Variants in TCF4 observed in about 807,000 individuals in gnomAD.
TCF4 encodes SL3-3 enhancer factor 2.
TCF4 carries 3 observed loss-of-function variants against 82.1 expected under a neutral mutation model. That is an observed-to-expected ratio of 0.04 (90% CI 0.02 to 0.09). The LOEUF (loss-of-function observed/expected upper bound fraction) is 0.09, where lower values mean the gene tolerates loss of function less well. Ranked by LOEUF, TCF4 falls within the 10% of genes least tolerant of loss-of-function variation. The pLI, the probability that TCF4 is intolerant of heterozygous loss-of-function variation, is 1.00. For missense variants in TCF4, 518 were observed against 852.7 expected (o/e 0.61, Z 4.89); for synonymous variants, 276 against 309.6 (o/e 0.89, Z 1.14).
At position 55,257,432 on chromosome 18, in the gene TCF4, G is replaced by A. The variant is rs766770899; in HGVS notation, c.1070-41C>T. On this transcript the variant is annotated intron_variant, in intron 13 of 19. Coordinates refer to ENST00000354452, the MANE Select transcript of TCF4 (RefSeq NM_001083962.2). ...GAATTACAATCAGATCTAGACACAT[G>A]TAAAAAGACGCTTGCCAATATTTTA... The A allele has an allele frequency of 9.4e-6, 15 of 1,590,376 alleles. No homozygotes were observed. The South Asian group carries it at 1.7e-4, about 18-fold the overall frequency.
intron 3 of TCF4, among the ~76,000 whole-genome samples, chr18:55,539,851 C>T (rs1007164441): frequency 1.3e-5 from 2 of 151,948 alleles, no homozygotes; most frequent in Non-Finnish European, 2.9e-5. Flanking sequence ...ATACACGAGA[C>T]CAATGAAAGC....
chr18:55,315,942 T>G (rs1390475267), intron 8 of TCF4, among the ~76,000 whole-genome samples: 2 of 152,128 alleles, frequency 1.3e-5, no homozygotes, highest in Non-Finnish European at 2.9e-5. Context: ...TATCCCTTTT[T>G]TTTAAGTAAT....
chr18:55,426,321 G>A (rs142837432), intron 5 of TCF4, among the ~76,000 whole-genome samples: 54 of 152,200 alleles, frequency 3.5e-4, no homozygotes, highest in African/African-American at 1.3e-3. Context: ...ATCCAAAACT[G>A]AGGTTCCACA....
chr18:55,632,115 T>G (rs2097732152), intron 1 of TCF4, among the ~76,000 whole-genome samples: 1 of 152,198 alleles, frequency 6.6e-6, no homozygotes, highest in Admixed American at 6.5e-5. Flanking sequence ...CTCGGCTTGC[T>G]GCAAGCTCCG....
chr18:55,569,098 A>G (rs1050254195), intron 3 of TCF4, among the ~76,000 whole-genome samples: 2 of 152,146 alleles, frequency 1.3e-5, no homozygotes, highest in African/African-American at 4.8e-5. Flanking sequence ...TTAATCAAGT[A>G]TCTATCAACA....
At chr18:55,249,795 C>T (rs959532597) in intron 15 of TCF4, among the ~76,000 whole-genome samples, 8 of 152,180 alleles carry the variant, frequency 5.3e-5, no homozygotes, top group African/African-American at 1.9e-4. Flanking sequence ...GTTGCTGACT[C>T]TACCAACAAA....
At chr18:55,405,116 G>T (rs2094020881) in intron 5 of TCF4, among the ~76,000 whole-genome samples, 1 of 152,144 alleles carries the variant, frequency 6.6e-6, no homozygotes, top group African/African-American at 2.4e-5. Flanking sequence ...CAGTGTGAAT[G>T]GTCACAAAGA....
At chr18:55,322,191 G>A in intron 8 of TCF4, 1 of 1,059,324 alleles carries the variant, frequency 9.4e-7, no homozygotes, top group South Asian at 4.6e-5. Flanking sequence ...GGTAAAAGTG[G>A]AACAGGGTCC....
At chr18:55,366,026 A>C (rs2087020082) in intron 6 of TCF4, among the ~76,000 whole-genome samples, 1 of 138,194 alleles carries the variant, frequency 7.2e-6, no homozygotes, top group South Asian at 2.3e-4. Context: ...ATAGATATAG[A>C]TATATAAGAC....
intron 2 of TCF4, among the ~76,000 whole-genome samples, chr18:55,627,659 G>C (rs995668614): frequency 6.6e-6 from 1 of 152,124 alleles, no homozygotes; most frequent in African/African-American, 2.4e-5. Flanking sequence ...CAGCTACTCG[G>C]AAGGCTGAGG....
In TCF4 at chr18:55,222,652, A is replaced by G. The variant is rs886053941; in HGVS notation, c.*5383T>C. 2.0e-5 allele frequency: 3 copies of G among 152,638 alleles called. No individual in the cohort carries two copies. Among genetic ancestry groups the G allele is most frequent in the Non-Finnish European group, 2.9e-5 (2 of 68,042 alleles). 9.5% of individuals were successfully genotyped at this position (152,638 alleles called of 1,614,324 possible). A position where few individuals can be genotyped will look rare whatever the true frequency, so the allele number is the denominator to read the frequency against. On this transcript the variant is annotated 3_prime_UTR_variant, in exon 20 of 20. Transcript: ENST00000354452. ...ACTTGATTAGAACATTCTGTTATGAAGCGCTCAGCTACCGCGGGCTTTCCT... is the reference window on the plus strand; with the variant it reads ...ACTTGATTAGAACATTCTGTTATGAGGCGCTCAGCTACCGCGGGCTTTCCT...
chr18:55,538,001 CTGGATTT>C (rs2097132151), intron 3 of TCF4, among the ~76,000 whole-genome samples: 2 of 149,502 alleles, frequency 1.3e-5, no homozygotes, highest in African/African-American at 4.9e-5. Context: ...GTTTGCTAGT[CTGGATTT>C]TGCTAGTCTG....
At chr18:55,508,415 T>C (rs1295137028) in intron 3 of TCF4, among the ~76,000 whole-genome samples, 2 of 152,222 alleles carry the variant, frequency 1.3e-5, no homozygotes, top group African/African-American at 4.8e-5. Flanking sequence ...TAATGATTAT[T>C]TCTAACAAGA....
At chr18:55,278,246 C>T (rs2061840694) in intron 9 of TCF4, among the ~76,000 whole-genome samples, 1 of 152,124 alleles carries the variant, frequency 6.6e-6, no homozygotes, top group South Asian at 2.1e-4. Flanking sequence ...AAATGTGCTC[C>T]CCTTCCTGTG....
chr18:55,552,843 T>C (rs891977947), intron 3 of TCF4, among the ~76,000 whole-genome samples: 1 of 152,218 alleles, frequency 6.6e-6, no homozygotes, highest in African/African-American at 2.4e-5. Flanking sequence ...TTAAATGTTG[T>C]TTGATGAGAG....
chr18:55,558,802 C>T (rs764559851), intron 3 of TCF4, among the ~76,000 whole-genome samples: 2 of 152,034 alleles, frequency 1.3e-5, no homozygotes, highest in Non-Finnish European at 2.9e-5. Context: ...TCCAATGGCA[C>T]AATGAGGCTT....
At chr18:55,432,148 C>T (rs1001736756) in intron 5 of TCF4, among the ~76,000 whole-genome samples, 1 of 151,948 alleles carries the variant, frequency 6.6e-6, no homozygotes, top group Admixed American at 6.6e-5. Flanking sequence ...CTAAAATATA[C>T]AAAAATTAGC....
At chr18:55,384,974 G>T (rs974263877) in intron 6 of TCF4, among the ~76,000 whole-genome samples, 1 of 152,084 alleles carries the variant, frequency 6.6e-6, no homozygotes, top group African/African-American at 2.4e-5. Flanking sequence ...ACCCGAGCCC[G>T]ACAGATTTTT....
intron 6 of TCF4, among the ~76,000 whole-genome samples, chr18:55,386,330 C>A (rs1476577361): frequency 6.6e-6 from 1 of 152,210 alleles, no homozygotes; most frequent in African/African-American, 2.4e-5. Context: ...ACGCCAATAT[C>A]ACACAGCCAT....
Sources: gnomAD v4.1 joint callset for allele counts (sites outside exome capture counted in the v4.1 genomes callset) on GRCh38, gnomAD v4.1.1 for gene constraint, MANE v1.5 for transcripts, NCBI Gene and HGNC (gene_info 2026-07-23, HGNC 2026-07-21) for gene names.